TDRD5: variants seen among roughly 807,000 people sequenced by gnomAD.
TDRD5 encodes the protein tudor domain containing 5.
In TDRD5, 41 loss-of-function variants were observed where a neutral mutation model predicts 120.6. The ratio of observed to expected loss-of-function variants is 0.34; its 90% CI spans 0.26 to 0.44. The LOEUF (loss-of-function observed/expected upper bound fraction) is 0.44, where lower values mean the gene tolerates loss of function less well. TDRD5 is among the 20% of genes least tolerant of loss of function. The probability of loss-of-function intolerance (pLI) is 1.00; values close to 1 mark genes in which losing one functional copy is unlikely to be tolerated. For synonymous variants in TDRD5, 430 were observed against 433.7 expected, an observed-to-expected ratio of 0.99 and a Z score of 0.11; for missense variants, 1,006 against 1,221.2, an observed-to-expected ratio of 0.82 and a Z score of 2.63.
chr1:179,651,106 T>A, intron 12 of TDRD5, 39 bp downstream of exon 12: 1 of 1,600,692 alleles, frequency 6.2e-7, no homozygotes, highest in South Asian at 1.1e-5. Context: ...ATATTTTGTT[T>A]AATTTCACCA....
chr1:179,594,750 C>T (rs1675296157), intron 3 of TDRD5, among the ~76,000 whole-genome samples: 1 of 152,210 alleles, frequency 6.6e-6, no homozygotes, highest in Non-Finnish European at 1.5e-5. Context: ...AATATTTACA[C>T]TGTGGTAGGT....
Position 179,663,500 on chromosome 1 carries a change from C to A in TDRD5, c.2649+9C>A. ...CAAACAGGACTCAAAAGGTAAATGT[C>A]TAATGCAGGTTATTGGGACAGGTTT... On this transcript the variant is annotated intron_variant, in intron 16 of 17. Coordinates refer to ENST00000444136, the MANE Select transcript of TDRD5 (RefSeq NM_001199085.3). 6.2e-7 allele frequency: 1 copy of A among 1,602,940 alleles called. No individual in the cohort carries two copies. Among genetic ancestry groups the A allele is most frequent in the East Asian group, 2.2e-5 (1 of 44,714 alleles).
At chr1:179,629,515 T>C (rs1677318757) in intron 6 of TDRD5, among the ~76,000 whole-genome samples, 1 of 152,182 alleles carries the variant, frequency 6.6e-6, no homozygotes, top group African/African-American at 2.4e-5. Context: ...AAAGTCTCTT[T>C]AGATGTAGCA....
intron 8 of TDRD5, 72 bp downstream of exon 8, chr1:179,634,701 A>T: frequency 6.8e-7 from 1 of 1,475,360 alleles, no homozygotes; most frequent in Non-Finnish European, 9.0e-7. Context: ...TGTTTCTTTA[A>T]ACCAAAATTC....
In TDRD5 at chr1:179,669,627, C is replaced by T. The variant is rs530013879; in HGVS notation, c.2860+223C>T. On this transcript the variant is annotated intron_variant, in intron 17 of 17. Transcript: ENST00000444136. ...TTGTTTTTTTGCCGGAGGGGTGGGG[C>T]GTCCCATTTATATAGAGTAAAATTT... 2.6e-5 allele frequency among the ~76,000 whole-genome samples: 4 copies of T among 152,132 alleles called. No individual in the cohort carries two copies. The South Asian group carries it at 6.2e-4, about 24-fold the overall frequency.
At chr1:179,650,488 A>G (rs1257443357) in intron 11 of TDRD5, among the ~76,000 whole-genome samples, 2 of 151,504 alleles carry the variant, frequency 1.3e-5, no homozygotes, top group African/African-American at 4.8e-5. Flanking sequence ...TTTCCCTTCA[A>G]TTTTGGCCTG....
At chr1:179,613,207 A>G (rs1676379122) in intron 4 of TDRD5, among the ~76,000 whole-genome samples, 2 of 152,144 alleles carry the variant, frequency 1.3e-5, no homozygotes, top group Non-Finnish European at 2.9e-5. Context: ...ATTTCACCTG[A>G]TAACCTGACT....
At chr1:179,673,706 T>G (rs768685938) in intron 17 of TDRD5, among the ~76,000 whole-genome samples, 2 of 152,162 alleles carry the variant, frequency 1.3e-5, no homozygotes, top group African/African-American at 4.8e-5. Context: ...AAATCAGATA[T>G]GCATCTATCT....
chr1:179,687,282 G>A (rs1680776866), intron 17 of TDRD5, among the ~76,000 whole-genome samples: 1 of 152,186 alleles, frequency 6.6e-6, no homozygotes, highest in South Asian at 2.1e-4. Context: ...CTTTATTTCT[G>A]CCTTCATTTT....
chr1:179,630,287 G>A (rs968577734), intron 6 of TDRD5, among the ~76,000 whole-genome samples: 4 of 152,138 alleles, frequency 2.6e-5, no homozygotes, highest in East Asian at 1.9e-4. Context: ...GTGAGCCACC[G>A]TGCCTGGCCT....
intron 6 of TDRD5, among the ~76,000 whole-genome samples, chr1:179,621,752 A>G (rs1306646754): frequency 6.6e-6 from 1 of 152,204 alleles, no homozygotes; most frequent in Non-Finnish European, 1.5e-5. Flanking sequence ...CAGTTTTTAA[A>G]AAGATAAGTC....
At chr1:179,622,303 A>G (rs994133043) in intron 6 of TDRD5, among the ~76,000 whole-genome samples, 8 of 152,194 alleles carry the variant, frequency 5.3e-5, no homozygotes, top group Non-Finnish European at 1.0e-4. Context: ...CAAATTTAAA[A>G]TGAATCAAAC....
At chr1:179,660,699 A>C (rs1161065536) in intron 14 of TDRD5, among the ~76,000 whole-genome samples, 1 of 152,022 alleles carries the variant, frequency 6.6e-6, no homozygotes, top group South Asian at 2.1e-4. Flanking sequence ...TTATGATGTT[A>C]GTTTTTGCTT....
At chr1:179,654,677 G>A (rs1572404471) in intron 14 of TDRD5, among the ~76,000 whole-genome samples, 2 of 152,170 alleles carry the variant, frequency 1.3e-5, no homozygotes, top group East Asian at 3.8e-4. Flanking sequence ...GCTGGGGCTT[G>A]AGAATGCCTG....
At chr1:179,596,329 A>G (rs1204136946) in intron 4 of TDRD5, among the ~76,000 whole-genome samples, 1 of 152,250 alleles carries the variant, frequency 6.6e-6, no homozygotes, top group East Asian at 1.9e-4. Context: ...TTCTACTAAA[A>G]TTAGCTTTAG....
chr1:179,594,795 A>T (rs1304264876), intron 3 of TDRD5, among the ~76,000 whole-genome samples: 2 of 152,264 alleles, frequency 1.3e-5, no homozygotes, highest in African/African-American at 4.8e-5. Context: ...ATACTTGGAT[A>T]GGGAAGGCTC....
chr1:179,686,207 G>A (rs1249488099), intron 17 of TDRD5, among the ~76,000 whole-genome samples: 1 of 152,150 alleles, frequency 6.6e-6, no homozygotes, highest in Admixed American at 6.5e-5. Flanking sequence ...ATTATTTTGA[G>A]ATACATCCCA....
chr1:179,618,100 A>C (rs1310586907), intron 4 of TDRD5, among the ~76,000 whole-genome samples: 1 of 152,080 alleles, frequency 6.6e-6, no homozygotes, highest in Middle Eastern at 3.2e-3. Flanking sequence ...ACATTCACAG[A>C]GCCTTTCTTT....
chr1:179,613,252 T>C (rs986033810), intron 4 of TDRD5, among the ~76,000 whole-genome samples: 2 of 152,128 alleles, frequency 1.3e-5, no homozygotes, highest in African/African-American at 4.8e-5. Context: ...CATAAATAAT[T>C]GGATATATTA....
Sources: allele counts gnomAD v4.1 joint callset (sites outside exome capture counted in the v4.1 genomes callset), GRCh38; gene constraint gnomAD v4.1.1; transcripts MANE v1.5; gene names NCBI Gene and HGNC (gene_info 2026-07-23, HGNC 2026-07-21).